The following DNM3 variants were observed in gnomAD, a reference collection of about 807,000 sequenced individuals.
DNM3 encodes dynamin 3, also known as dynamin-3.
DNM3 carries 47 observed loss-of-function variants against 101.6 expected under a neutral mutation model. The observed-to-expected ratio is 0.46, with a 90% CI of 0.37 to 0.59. DNM3 has a LOEUF of 0.59. DNM3 is among the 20% of genes least tolerant of loss of function. The pLI, the probability that DNM3 is intolerant of heterozygous loss-of-function variation, is 0.00. For synonymous variants in DNM3, 385 were observed against 387.9 expected (o/e 0.99, Z 0.09); for missense variants, 849 against 1,085.7 (o/e 0.78, Z 3.06).
intron 1 of DNM3, among the ~76,000 whole-genome samples, chr1:171,868,911 G>A (rs1280816312): frequency 6.6e-6 from 1 of 151,976 alleles, no homozygotes; most frequent in Non-Finnish European, 1.5e-5. Flanking sequence ...AGCCTCCCAA[G>A]TAGCTGGGAT....
At chr1:172,331,269 C>T (rs1459070895) in intron 17 of DNM3, among the ~76,000 whole-genome samples, 1 of 152,048 alleles carries the variant, frequency 6.6e-6, no homozygotes, top group African/African-American at 2.4e-5. Flanking sequence ...TATCAGTGAG[C>T]CATTTCATGA....
Position 172,332,824 on chromosome 1 carries a change from G to C in DNM3, c.1893+9484G>C, listed in dbSNP as rs189476569. On this transcript the variant is annotated intron_variant, in intron 17 of 20. Coordinates refer to ENST00000627582, the MANE Select transcript of DNM3 (RefSeq NM_015569.5). ...TCAAATGGACAGGAAGTACAATCCT[G>C]CTAAGTGCCTTGAAGGAGAACCAGA... Among the ~76,000 whole-genome samples the C allele has an allele frequency of 4.1e-3, 620 of 152,314 alleles. 5 individuals carry two copies. Among genetic ancestry groups the C allele is most frequent in the Non-Finnish European group, 6.9e-3 (467 of 68,030 alleles).
At chr1:172,065,492 T>C (rs1219377217) in intron 10 of DNM3, among the ~76,000 whole-genome samples, 4 of 152,224 alleles carry the variant, frequency 2.6e-5, no homozygotes, top group African/African-American at 9.6e-5. Context: ...AGCTATCTCT[T>C]CCACTCTGAA....
intron 14 of DNM3, among the ~76,000 whole-genome samples, chr1:172,183,132 A>T (rs1310725153): frequency 6.6e-6 from 1 of 152,126 alleles, no homozygotes; most frequent in East Asian, 1.9e-4. Context: ...GGGAAAGGGG[A>T]TGAGAAGATC....
At chr1:172,011,855 A>G (rs1394789854) in intron 4 of DNM3, among the ~76,000 whole-genome samples, 1 of 152,006 alleles carries the variant, frequency 6.6e-6, no homozygotes, top group African/African-American at 2.4e-5. Flanking sequence ...AACTCATATC[A>G]TTCTTAAATA....
intron 2 of DNM3, among the ~76,000 whole-genome samples, chr1:171,937,329 C>T (rs1229780660): frequency 6.6e-6 from 1 of 151,606 alleles, no homozygotes; most frequent in Middle Eastern, 3.4e-3. Flanking sequence ...AAATGTACTT[C>T]TGAAAACATT....
intron 1 of DNM3, among the ~76,000 whole-genome samples, chr1:171,902,920 A>G (rs1223975053): frequency 6.6e-6 from 1 of 152,200 alleles, no homozygotes; most frequent in African/African-American, 2.4e-5. Context: ...TGGGAGGCTC[A>G]GGCGGGAAGA....
chr1:172,185,565 G>A (rs1022792646), intron 14 of DNM3, among the ~76,000 whole-genome samples: 2 of 152,052 alleles, frequency 1.3e-5, no homozygotes, highest in African/African-American at 4.8e-5. Flanking sequence ...AGCCTCTGAG[G>A]GAAGCAAGGT....
chr1:172,163,263 C>T (rs1338927438), intron 14 of DNM3, among the ~76,000 whole-genome samples: 2 of 133,644 alleles, frequency 1.5e-5, no homozygotes, highest in South Asian at 2.4e-4. Flanking sequence ...TTTTTTGAGA[C>T]GGAGTCACTC....
chr1:172,287,213 A>G (rs1463072792), intron 15 of DNM3, among the ~76,000 whole-genome samples: 2 of 152,236 alleles, frequency 1.3e-5, no homozygotes, highest in Non-Finnish European at 1.5e-5. Flanking sequence ...CTTTGTTTAT[A>G]TGACATCAAA....
At chr1:172,022,007 G>A (rs2047883539) in intron 4 of DNM3, among the ~76,000 whole-genome samples, 1 of 152,188 alleles carries the variant, frequency 6.6e-6, no homozygotes, top group Admixed American at 6.5e-5. Flanking sequence ...AGTCTTAGAT[G>A]ATATAACTTA....
rs575733774 is a variant in DNM3 at position 172,304,206 on chromosome 1, C to CAAAAAAAAAAAAAAAAA, written c.1770-4506_1770-4505insAAAAAAAAAAAAAAAAA. 7.4e-4 allele frequency among the ~76,000 whole-genome samples: 27 copies of CAAAAAAAAAAAAAAAAA among 36,348 alleles called. 1 individual carries two copies. The highest frequency in any genetic ancestry group is 4.4e-3 in the African/African-American group (21 of 4,822). 23.8% of individuals were successfully genotyped at this position (36,348 alleles called of 152,430 possible). A position where few individuals can be genotyped will look rare whatever the true frequency, so the allele number is the denominator to read the frequency against. On this transcript the variant is annotated intron_variant, in intron 15 of 20. Transcript: ENST00000627582. Reference sequence around the variant, plus strand: ...GAATATCTACCATGCAAAAGGAAAGCAAAAAAAAAAAAAAAACAGGAGTTG... The same window carrying CAAAAAAAAAAAAAAAAA: ...GAATATCTACCATGCAAAAGGAAAGCAAAAAAAAAAAAAAAAAAAAAAAAAAAAAAAAACAGGAGTTG...
chr1:172,417,833 A>G (rs1162812210), intron 20 of DNM3, among the ~76,000 whole-genome samples: 1 of 151,900 alleles, frequency 6.6e-6, no homozygotes, highest in Non-Finnish European at 1.5e-5. Flanking sequence ...GGCTACATCA[A>G]CTCCCTCTCC....
chr1:171,882,082 C>T (rs1304978553), intron 1 of DNM3, among the ~76,000 whole-genome samples: 1 of 152,066 alleles, frequency 6.6e-6, no homozygotes, highest in Admixed American at 6.6e-5. Context: ...CATGGTGGCT[C>T]ACACCTGTAA....
chr1:172,173,881 A>C (rs1027102537), intron 14 of DNM3, among the ~76,000 whole-genome samples: 6 of 151,654 alleles, frequency 4.0e-5, no homozygotes, highest in African/African-American at 1.5e-4. Flanking sequence ...CTGCAGCTTA[A>C]GTCTTCTGGA....
At chr1:172,323,212 A>T in intron 16 of DNM3, 117 bp from the exon 17 acceptor site, 2 of 1,006,698 alleles carry the variant, frequency 2.0e-6, no homozygotes, top group Non-Finnish European at 2.8e-6. Context: ...TAGCAAGAAA[A>T]ACCTCATTTT....
At chr1:172,354,229 G>A (rs1380212550) in intron 17 of DNM3, among the ~76,000 whole-genome samples, 1 of 152,062 alleles carries the variant, frequency 6.6e-6, no homozygotes, top group Admixed American at 6.6e-5. Context: ...TTGAGTTCTT[G>A]TCTCTTGACC....
At chr1:172,084,142 C>T (rs1178431745) in intron 12 of DNM3, among the ~76,000 whole-genome samples, 1 of 152,088 alleles carries the variant, frequency 6.6e-6, no homozygotes, top group African/African-American at 2.4e-5. Flanking sequence ...GGTGCTCAGC[C>T]TTTCTCTATC....
chr1:172,406,824 CAGA>C (rs1443807660), intron 20 of DNM3, among the ~76,000 whole-genome samples: 1 of 151,574 alleles, frequency 6.6e-6, no homozygotes, highest in African/African-American at 2.4e-5. Context: ...ACTATAATTC[CAGA>C]AGGAGTCTTT....
Sources: allele counts gnomAD v4.1 joint callset (sites outside exome capture counted in the v4.1 genomes callset), GRCh38; gene constraint gnomAD v4.1.1; transcripts MANE v1.5; gene names NCBI Gene and HGNC (gene_info 2026-07-23, HGNC 2026-07-21).